ACVR1: variants seen among roughly 807,000 people sequenced by gnomAD.
ACVR1 encodes activin A receptor type 1, also known as activin receptor type-1.
Under a neutral mutation model 57.1 loss-of-function variants are expected in ACVR1, and 38 were observed. The ratio of observed to expected loss-of-function variants is 0.67; its 90% CI spans 0.51 to 0.87. The LOEUF (loss-of-function observed/expected upper bound fraction) is 0.87. Among genes scored for constraint, ACVR1 ranks in the 40% least tolerant of loss-of-function variants. The pLI, the probability that ACVR1 is intolerant of heterozygous loss-of-function variation, is 0.00. For synonymous variants in ACVR1, 212 were observed against 228.1 expected (o/e 0.93, Z 0.63); for missense variants, 463 against 638.2 (o/e 0.73, Z 2.96).
intron 1 of ACVR1, among the ~76,000 whole-genome samples, chr2:157,851,338 T>C (rs1350699344): frequency 2.6e-5 from 4 of 152,064 alleles, no homozygotes; most frequent in African/African-American, 7.2e-5. Context: ...ACCTGAAATA[T>C]AGCAGTTTGA....
chr2:157,793,406 A>T (rs1686994274), intron 3 of ACVR1, among the ~76,000 whole-genome samples: 1 of 152,226 alleles, frequency 6.6e-6, no homozygotes, highest in South Asian at 2.1e-4. Flanking sequence ...CTCATGGCTG[A>T]AACAAACACT....
chr2:157,741,210 T>C (rs977019894), intron 9 of ACVR1, among the ~76,000 whole-genome samples: 11 of 152,164 alleles, frequency 7.2e-5, no homozygotes, highest in African/African-American at 2.4e-4. Flanking sequence ...TTTCACCCAT[T>C]TACTTTGTAC....
intron 1 of ACVR1, among the ~76,000 whole-genome samples, chr2:157,858,454 T>C (rs1199100416): frequency 6.6e-6 from 1 of 152,078 alleles, no homozygotes; most frequent in Non-Finnish European, 1.5e-5. Context: ...CTATTAAATA[T>C]ATTAATTGTT....
intron 1 of ACVR1, among the ~76,000 whole-genome samples, chr2:157,851,089 C>A (rs938706093): frequency 6.6e-6 from 1 of 152,100 alleles, no homozygotes; most frequent in Non-Finnish European, 1.5e-5. Context: ...TTTCAAAAAA[C>A]CCATATCTTC....
intron 2 of ACVR1, among the ~76,000 whole-genome samples, chr2:157,801,198 T>C (rs1375824696): frequency 6.6e-6 from 1 of 152,196 alleles, no homozygotes; most frequent in East Asian, 1.9e-4. Flanking sequence ...CTATCTCAGT[T>C]CTCTATGACA....
chr2:157,847,653 G>A (rs977149426), intron 1 of ACVR1, among the ~76,000 whole-genome samples: 3 of 152,122 alleles, frequency 2.0e-5, no homozygotes, highest in Non-Finnish European at 4.4e-5. Context: ...GCAAGACATG[G>A]TTCTTACCTT....
intron 3 of ACVR1, among the ~76,000 whole-genome samples, chr2:157,793,653 T>A (rs1687002698): frequency 6.6e-6 from 1 of 152,182 alleles, no homozygotes; most frequent in African/African-American, 2.4e-5. Flanking sequence ...GATTTTATTC[T>A]GAACAAGAGA....
At chr2:157,741,667 G>C (rs1287829802) in intron 9 of ACVR1, among the ~76,000 whole-genome samples, 1 of 151,584 alleles carries the variant, frequency 6.6e-6, no homozygotes, top group Non-Finnish European at 1.5e-5. Context: ...AAAAGATGCA[G>C]TGTTGGTAAT....
At chr2:157,866,819 C>A (rs1004383152) in intron 1 of ACVR1, among the ~76,000 whole-genome samples, 2 of 152,236 alleles carry the variant, frequency 1.3e-5, no homozygotes, top group South Asian at 2.1e-4. Flanking sequence ...TGGCACTTGA[C>A]CCCAAAAAGT....
chr2:157,770,537 G>A, intron 6 of ACVR1, 23 bp from the exon 7 acceptor site: 1 of 1,613,726 alleles, frequency 6.2e-7, no homozygotes, highest in Non-Finnish European at 8.5e-7. Context: ...AAACATAGGT[G>A]ACACAGAACA....
At chr2:157,786,555 T>C (rs1559056255) in intron 3 of ACVR1, among the ~76,000 whole-genome samples, 1 of 152,214 alleles carries the variant, frequency 6.6e-6, no homozygotes, top group Non-Finnish European at 1.5e-5. Context: ...ATCACATCTG[T>C]TCACCTACTT....
chr2:157,817,110 C>A (rs1687966882), intron 2 of ACVR1, among the ~76,000 whole-genome samples: 1 of 152,100 alleles, frequency 6.6e-6, no homozygotes. Flanking sequence ...CACGAACCTG[C>A]CAACACACCT....
At chr2:157,764,750 G>C (rs1008823326) in intron 8 of ACVR1, among the ~76,000 whole-genome samples, 1 of 152,134 alleles carries the variant, frequency 6.6e-6, no homozygotes, top group Admixed American at 6.5e-5. Context: ...TAAGAGCCAT[G>C]GAATAAGCCA....
intron 9 of ACVR1, among the ~76,000 whole-genome samples, chr2:157,740,992 C>A (rs369932513): frequency 7.9e-5 from 12 of 152,264 alleles, no homozygotes; most frequent in African/African-American, 2.9e-4. Flanking sequence ...ACAGTCACTA[C>A]GAACTCCCTC....
chr2:157,773,124 G>A (rs1314778614), intron 6 of ACVR1, among the ~76,000 whole-genome samples: 1 of 152,156 alleles, frequency 6.6e-6, no homozygotes, highest in Non-Finnish European at 1.5e-5. Context: ...GGAGGGTGTG[G>A]AGAGGTTGCC....
intron 3 of ACVR1, among the ~76,000 whole-genome samples, chr2:157,798,778 T>C (rs368611347): frequency 7.9e-5 from 12 of 152,324 alleles, no homozygotes; most frequent in South Asian, 2.1e-4. Flanking sequence ...TCCACCTGCA[T>C]TGGCCTCCAA....
chr2:157,861,884 C>T (rs1212374420), intron 1 of ACVR1, among the ~76,000 whole-genome samples: 1 of 152,138 alleles, frequency 6.6e-6, no homozygotes. Context: ...CTTAAAAATG[C>T]AACTCTTAGA....
At chr2:157,864,805 C>T (rs1689854981) in intron 1 of ACVR1, among the ~76,000 whole-genome samples, 1 of 152,054 alleles carries the variant, frequency 6.6e-6, no homozygotes. Context: ...CTATCATAGC[C>T]CTACTGCTTT....
intron 2 of ACVR1, among the ~76,000 whole-genome samples, chr2:157,811,036 G>A (rs960238585): frequency 2.0e-5 from 3 of 152,148 alleles, no homozygotes; most frequent in African/African-American, 7.2e-5. Context: ...AGCAAATCGG[G>A]TGATGCTGAG....
Sources: allele counts gnomAD v4.1 joint callset (sites outside exome capture counted in the v4.1 genomes callset), GRCh38; gene constraint gnomAD v4.1.1; transcripts MANE v1.5; gene names NCBI Gene and HGNC (gene_info 2026-07-23, HGNC 2026-07-21).